RSL1D1: variants seen among roughly 807,000 people sequenced by gnomAD.
The protein encoded by RSL1D1 is ribosomal L1 domain containing 1, also known as ribosomal L1 domain-containing protein 1.
RSL1D1 carries 34 observed loss-of-function variants against 44.6 expected under a neutral mutation model. That is an observed-to-expected ratio of 0.76 (90% CI 0.58 to 1.02). The LOEUF (loss-of-function observed/expected upper bound fraction) is 1.02, where lower values mean the gene tolerates loss of function less well. Among genes scored for constraint, RSL1D1 ranks in the 50% least tolerant of loss-of-function variants. The pLI, the probability that RSL1D1 is intolerant of heterozygous loss-of-function variation, is 0.00. For missense variants in RSL1D1, 767 were observed against 568.1 expected (o/e 1.35, Z -3.56); for synonymous variants, 271 against 207.4 (o/e 1.31, Z -2.63).
At chr16:11,851,079 A>G in intron 1 of RSL1D1, 1 of 397,790 alleles carries the variant, frequency 2.5e-6, no homozygotes, top group East Asian at 5.9e-5. Flanking sequence ...CGAAGGGCCC[A>G]CTTTAAATAA....
At chr16:11,846,898 A>G (rs757081481) in intron 3 of RSL1D1, 55 bp from the exon 4 acceptor site, 22 of 1,442,350 alleles carry the variant, frequency 1.5e-5, no homozygotes, top group Non-Finnish European at 2.1e-5. Flanking sequence ...AACAAGGAGA[A>G]GAAATACTTA....
intron 8 of RSL1D1, 117 bp downstream of exon 8, chr16:11,839,578 T>A: frequency 1.6e-6 from 2 of 1,271,040 alleles, no homozygotes; most frequent in Non-Finnish European, 1.1e-6. Context: ...ATAACCACCT[T>A]CACAGTTCTT....
chr16:11,851,387 C>T, intron 1 of RSL1D1, 21 bp downstream of exon 1: 1 of 1,610,924 alleles, frequency 6.2e-7, no homozygotes, highest in Non-Finnish European at 8.5e-7. Flanking sequence ...TTCCAAGCCA[C>T]CCTCCCCAGG....
intron 3 of RSL1D1, among the ~76,000 whole-genome samples, chr16:11,847,387 T>G (rs545533556): frequency 6.6e-6 from 1 of 151,960 alleles, no homozygotes; most frequent in South Asian, 2.1e-4. Flanking sequence ...CAAAAAAACT[T>G]AGATACCTTA....
rs1343831051 is a variant in RSL1D1, at chr16:11,846,846, AG to A, written c.385-4del. The A allele has an allele frequency of 1.9e-6, 3 of 1,599,934 alleles. No individual in the cohort carries two copies. Among genetic ancestry groups the A allele is most frequent in the African/African-American group, 1.3e-5 (1 of 74,544 alleles). On this transcript the variant is annotated splice_polypyrimidine_tract_variant and splice_region_variant and intron_variant, in intron 3 of 8. Transcript: ENST00000571133. The stretch of plus-strand genomic sequence containing the variant: ...TTTAGAGTTTGGAGGGAGATAATCT[AG>A]GAAGTATAGAGAAGAATAAAAACAA...
At position 11,834,052 on chromosome 16, in the gene RSL1D1, G is replaced by C. The variant is rs556820643; in HGVS notation, c.*3735C>G. 1 of 152,018 alleles carries C rather than the reference G, an allele frequency of 6.6e-6. No homozygotes were observed. The highest frequency in any genetic ancestry group is 1.5e-5 in the Non-Finnish European group (1 of 68,000). The allele number at this position is 152,018 out of a possible 1,614,324, so 9.4% of individuals were successfully genotyped here. A position where few individuals can be genotyped will look rare whatever the true frequency, so the allele number is the denominator to read the frequency against. ...AATATCACCCTCATACTTGGCCCAC[G>C]AGAACATCATATACCATAGTAGAGA... is the stretch of plus-strand genomic sequence containing the variant. On this transcript the variant is annotated 3_prime_UTR_variant, in exon 9 of 9. Coordinates refer to ENST00000571133, the MANE Select transcript of RSL1D1 (RefSeq NM_015659.3).
At position 11,839,982 on chromosome 16, in the gene RSL1D1, C is replaced by T. The variant is rs2053753503; in HGVS notation, c.859G>A (p.Ala287Thr). Residue 287 changes from alanine to threonine, a missense_variant, in exon 8 of 9, where the codon GCA becomes ACA. Physicochemically the swap from Ala to Thr is moderately conservative, Grantham distance 58. Coordinates refer to ENST00000571133, the MANE Select transcript of RSL1D1 (RefSeq NM_015659.3). ...TTTCTTTCTCTTCGTTTTCTCCTTG[C>T]CTCCTACCAAAAAACACCATACAAA... ...RSLLNKKKKE[A>T]RRKRRERNFE... 6.2e-7 allele frequency: 1 copy of T among 1,610,250 alleles called. No individual in the cohort carries two copies. The highest frequency in any genetic ancestry group is 2.2e-5 in the East Asian group (1 of 44,858).
chr16:11,846,940 C>T, intron 3 of RSL1D1, 97 bp from the exon 4 acceptor site: 19 of 1,097,274 alleles, frequency 1.7e-5, no homozygotes, highest in Non-Finnish European at 2.4e-5. Flanking sequence ...TTAAAAATGT[C>T]CTAGAGCCAT....
At position 11,838,046 on chromosome 16, in the gene RSL1D1, T is replaced by C. The variant is rs1567417122; in HGVS notation, c.1214A>G (p.Lys405Arg). 6.2e-7 allele frequency: 1 copy of C among 1,613,840 alleles called. No homozygotes were observed. The highest frequency in any genetic ancestry group is 1.7e-5 in the Admixed American group (1 of 59,920). Residue 405 changes from lysine to arginine, a missense_variant, in exon 9 of 9, where the codon AAG becomes AGG. By Grantham distance (26) the Lys-to-Arg change is conservative. Transcript: ENST00000571133. ...AGATGCTGGCAAAGCCTTTCTTTTC[T>C]TCCCACGAGGTGTGCTGGGATTAGG... ...KSPNPSTPRG[K>R]KRKALPASET...
rs1378701921 is a variant in RSL1D1, at chr16:11,836,183, G to C, written c.*1604C>G. On this transcript the variant is annotated 3_prime_UTR_variant, in exon 9 of 9. Coordinates refer to ENST00000571133, the MANE Select transcript of RSL1D1 (RefSeq NM_015659.3). ...TGTTGGATTACCAATAAATAGTGTG[G>C]GCTCCCAGAGCTCACGGCCTTCACA... 1 of 152,154 alleles carries C rather than the reference G, an allele frequency of 6.6e-6. No homozygotes were observed. The highest frequency in any genetic ancestry group is 2.4e-5 in the African/African-American group (1 of 41,426). 9.4% of individuals were successfully genotyped at this position (152,154 alleles called of 1,614,324 possible).
chr16:11,841,608 G>C, intron 7 of RSL1D1, 87 bp downstream of exon 7: 1 of 1,226,482 alleles, frequency 8.2e-7, no homozygotes, highest in Non-Finnish European at 1.1e-6. Flanking sequence ...CTGAAAAGTC[G>C]GGCAGCGATG....
intron 5 of RSL1D1, 68 bp downstream of exon 5, chr16:11,846,433 A>AT: frequency 1.2e-6 from 1 of 868,964 alleles, no homozygotes; most frequent in East Asian, 2.5e-5. Context: ...AACAAAACGA[A>AT]TAAGTATATA....
chr16:11,846,583 G>A lies in RSL1D1; in HGVS notation c.553C>T (p.Leu185Phe). Residue 185 changes from leucine (L) to phenylalanine (F), a missense_variant, in exon 5 of 9, where the codon CTT (leucine) becomes TTT (phenylalanine). Coordinates refer to ENST00000571133, the MANE Select transcript of RSL1D1 (RefSeq NM_015659.3). ...QRKKVPVSVN[L>F]LSKNLSREIN... ...TCTCTTGATAAATTCTTGGACAGAAGGTTTACAGATACTGGAACTCTACAA... is the reference window on the plus strand; with the variant it reads ...TCTCTTGATAAATTCTTGGACAGAAAGTTTACAGATACTGGAACTCTACAA... The A allele has an allele frequency of 6.2e-7, 1 of 1,609,720 alleles. No homozygotes were observed. Among genetic ancestry groups the A allele is most frequent in the Non-Finnish European group, 8.5e-7 (1 of 1,176,986 alleles).
chr16:11,838,153 C>T, intron 8 of RSL1D1, 40 bp from the exon 9 acceptor site: 1 of 1,416,970 alleles, frequency 7.1e-7, no homozygotes, highest in Non-Finnish European at 9.6e-7. Flanking sequence ...GAAAAAGCCA[C>T]AAAACCTGAC....
intron 5 of RSL1D1, among the ~76,000 whole-genome samples, chr16:11,845,202 C>T (rs1406263206): frequency 6.6e-6 from 1 of 152,164 alleles, no homozygotes; most frequent in East Asian, 1.9e-4. Context: ...CCTATAATCT[C>T]AACACTTTTG....
At position 11,839,721 on chromosome 16, in the gene RSL1D1, T is replaced by G. The variant is rs200202339; in HGVS notation, c.1120A>C (p.Lys374Gln). 3.3e-5 allele frequency: 54 copies of G among 1,613,998 alleles called. No individual in the cohort carries two copies. The highest frequency in any genetic ancestry group is 4.5e-5 in the Non-Finnish European group (53 of 1,180,000). The change falls in exon 8 of 9, where the codon AAG (lysine) becomes CAG (glutamine). Residue 374 changes from lysine to glutamine, a missense_variant. Physicochemically the swap from Lys to Gln is moderately conservative, Grantham distance 53 (BLOSUM62 1). Transcript: ENST00000571133. Reference protein sequence around the residue: ...EIPQLVPIGKKTPANEKVEIQ... With the variant: ...EIPQLVPIGKQTPANEKVEIQ... ...TCTACTTTTTCATTAGCTGGAGTCTTCTTTCCTATTGGTACCAGCTGTGGG... is the reference window on the plus strand; with the variant it reads ...TCTACTTTTTCATTAGCTGGAGTCTGCTTTCCTATTGGTACCAGCTGTGGG...
At position 11,840,101 on chromosome 16, in the gene RSL1D1, C is replaced by T. The variant is rs971068274; in HGVS notation, c.856-116G>A. On this transcript the variant is annotated intron_variant, in intron 7 of 8. Transcript: ENST00000571133. ...CATAAGCCCCTAAATGGACCTCGAT[C>T]TATACAGAGAACAAACTCCCTAACC... 8.8e-6 allele frequency: 13 copies of T among 1,470,594 alleles called. No individual in the cohort carries two copies. The African/African-American group carries it at 1.6e-4, about 18-fold the overall frequency. The allele number at this position is 1,470,594 out of a possible 1,614,324, so 91.1% of individuals were successfully genotyped here.
intron 5 of RSL1D1, among the ~76,000 whole-genome samples, chr16:11,842,794 C>T (rs1027522574): frequency 6.6e-6 from 1 of 151,226 alleles, no homozygotes; most frequent in Non-Finnish European, 1.5e-5. Flanking sequence ...TTTGCTCTGT[C>T]GCCCAGGCTG....
intron 2 of RSL1D1, 59 bp from the exon 3 acceptor site, chr16:11,847,865 G>A: frequency 6.6e-7 from 1 of 1,515,256 alleles, no homozygotes; most frequent in Middle Eastern, 1.7e-4. Context: ...ATGCATGTTT[G>A]TATCACACAG....
Sources: allele counts gnomAD v4.1 joint callset (sites outside exome capture counted in the v4.1 genomes callset), GRCh38; gene constraint gnomAD v4.1.1; transcripts MANE v1.5; gene names NCBI Gene and HGNC (gene_info 2026-07-23, HGNC 2026-07-21).